EML4: variants seen among roughly 807,000 people sequenced by gnomAD.
The protein encoded by EML4 is echinoderm microtubule-associated protein-like 4.
Under a neutral mutation model 129.0 loss-of-function variants are expected in EML4, and 72 were observed. That is an observed-to-expected ratio of 0.56 (90% confidence interval 0.46 to 0.68). EML4 has a LOEUF of 0.68. Among genes scored for constraint, EML4 ranks in the 30% least tolerant of loss-of-function variants. EML4 has a pLI of 0.00. For synonymous variants in EML4, 532 were observed against 405.0 expected (o/e 1.31, Z -3.77); for missense variants, 1,363 against 1,190.6 (o/e 1.14, Z -2.13).
At position 42,268,111 on chromosome 2, in the gene EML4, A is replaced by G. The variant is rs75961647; in HGVS notation, c.667+3380A>G. On this transcript the variant is annotated intron_variant, in intron 6 of 22. Coordinates refer to ENST00000318522, the MANE Select transcript of EML4 (RefSeq NM_019063.5). ...TAAGGTCATCCTTGAAATAGTTATC[A>G]AGTACAACTGGCCTTCCATATCTGC... Among the ~76,000 whole-genome samples, 364 of 152,346 alleles carry G rather than the reference A, an allele frequency of 2.4e-3. 10 individuals carry two copies. The East Asian group carries it at 0.059, about 25-fold the overall frequency.
intron 1 of EML4, among the ~76,000 whole-genome samples, chr2:42,242,353 G>A (rs544527099): frequency 6.6e-6 from 1 of 152,196 alleles, no homozygotes; most frequent in South Asian, 2.1e-4. Flanking sequence ...TACAAATAAT[G>A]GCTTGCAAAA....
At chr2:42,258,686 C>G (rs1460588036) in intron 3 of EML4, among the ~76,000 whole-genome samples, 1 of 152,006 alleles carries the variant, frequency 6.6e-6, no homozygotes. Context: ...AGGTGTGAGC[C>G]ACTGTGACTG....
chr2:42,288,878 A>T (rs1558578233), intron 11 of EML4: 1 of 152,178 alleles, frequency 6.6e-6, no homozygotes. Context: ...TGTAAAATGC[A>T]TTGAAGCTGG....
chr2:42,232,734 G>GT (rs1266715667), intron 1 of EML4, among the ~76,000 whole-genome samples: 3 of 151,748 alleles, frequency 2.0e-5, no homozygotes, highest in East Asian at 1.9e-4. Context: ...TTTTGTTTTT[G>GT]TTTTTTTGAG....
chr2:42,181,627 C>T (rs1670951051), intron 1 of EML4, among the ~76,000 whole-genome samples: 1 of 152,052 alleles, frequency 6.6e-6, no homozygotes, highest in Admixed American at 6.6e-5. Context: ...GGTTATAGTC[C>T]ATTACTATTT....
chr2:42,298,063 A>C (rs1443350902), intron 13 of EML4, among the ~76,000 whole-genome samples: 1 of 152,224 alleles, frequency 6.6e-6, no homozygotes, highest in Non-Finnish European at 1.5e-5. Flanking sequence ...GTAATCTTTT[A>C]AGTGGGTAAG....
At chr2:42,214,014 T>C (rs532745004) in intron 1 of EML4, among the ~76,000 whole-genome samples, 1 of 152,348 alleles carries the variant, frequency 6.6e-6, no homozygotes, top group Non-Finnish European at 1.5e-5. Context: ...GTATATCAAA[T>C]ATTATGGTAA....
intron 19 of EML4, among the ~76,000 whole-genome samples, chr2:42,319,338 T>C (rs1442417177): frequency 4.6e-5 from 7 of 152,218 alleles, no homozygotes; most frequent in East Asian, 1.9e-4. Context: ...CTTGGAAGTA[T>C]TGAGAAATGG....
chr2:42,306,532 A>C (rs1311839428), intron 17 of EML4, among the ~76,000 whole-genome samples: 2 of 105,198 alleles, frequency 1.9e-5, no homozygotes, highest in East Asian at 8.1e-4. Context: ...TCGCTCTGTC[A>C]CCCAAGCTGG....
At chr2:42,325,009 T>C (rs1172861269) in intron 19 of EML4, among the ~76,000 whole-genome samples, 2 of 152,216 alleles carry the variant, frequency 1.3e-5, no homozygotes, top group Admixed American at 6.5e-5. Context: ...ATACGGGTGC[T>C]GTATTCCTCA....
chr2:42,304,561 T>C lies in EML4; in HGVS notation c.1967+10T>C, dbSNP rs1207454552. The C allele has an allele frequency of 1.2e-6, 2 of 1,606,684 alleles. No individual in the cohort carries two copies. The highest frequency in any genetic ancestry group is 3.3e-5 in the Admixed American group (2 of 59,998). On this transcript the variant is annotated intron_variant, in intron 17 of 22. Transcript: ENST00000318522. ...GAACGCACTCAGGCAGGTAGGGTCT[T>C]TAAGTGAACTGAGTAATCTGAAGTG...
chr2:42,195,128 C>T (rs1671826005), intron 1 of EML4, among the ~76,000 whole-genome samples: 1 of 152,012 alleles, frequency 6.6e-6, no homozygotes, highest in African/African-American at 2.4e-5. Context: ...CTTCGGGATC[C>T]AGTTAACTTG....
intron 1 of EML4, among the ~76,000 whole-genome samples, chr2:42,216,609 T>G (rs1014923400): frequency 6.6e-6 from 1 of 152,198 alleles, no homozygotes; most frequent in African/African-American, 2.4e-5. Context: ...CTCATTAATA[T>G]GTTACCTGTT....
chr2:42,214,955 C>G (rs1232431345), intron 1 of EML4, among the ~76,000 whole-genome samples: 2 of 152,158 alleles, frequency 1.3e-5, no homozygotes, highest in East Asian at 1.9e-4. Flanking sequence ...AGCCTAGATT[C>G]AAAGGAGAGA....
In EML4 at chr2:42,331,359, T is replaced by C. The variant is rs187476121; in HGVS notation, c.*1152T>C. The C allele has an allele frequency of 1.5e-3, 337 of 225,136 alleles. 3 individuals carry two copies. Among genetic ancestry groups the C allele is most frequent in the East Asian group, 0.015 (230 of 15,424 alleles). 13.9% of individuals were successfully genotyped at this position (225,136 alleles called of 1,614,324 possible). On this transcript the variant is annotated 3_prime_UTR_variant, in exon 23 of 23. Transcript: ENST00000318522. The stretch of plus-strand genomic sequence containing the variant: ...TGCTGTAAGTCTTGTAAGTCTAATG[T>C]GGCTATCCTACTCTTTTGGGCAATG...
intron 1 of EML4, among the ~76,000 whole-genome samples, chr2:42,227,410 A>C (rs925577854): frequency 2.0e-5 from 3 of 151,512 alleles, no homozygotes; most frequent in East Asian, 1.9e-4. Context: ...CCCAGCCTCC[A>C]TTCTTATTTT....
chr2:42,251,412 C>T (rs1488638186), intron 2 of EML4, among the ~76,000 whole-genome samples: 1 of 152,154 alleles, frequency 6.6e-6, no homozygotes, highest in African/African-American at 2.4e-5. Flanking sequence ...TTACAGAGTG[C>T]CATTTCTATA....
chr2:42,184,374 TCCCTCCC>T (rs1265948504), intron 1 of EML4, among the ~76,000 whole-genome samples: 1 of 118,512 alleles, frequency 8.4e-6, no homozygotes, highest in Non-Finnish European at 1.7e-5. Flanking sequence ...CCTAATGCTA[TCCCTCCC>T]CCCTCCCCCC....
chr2:42,317,999 C>T (rs1316203605), intron 19 of EML4, among the ~76,000 whole-genome samples: 1 of 152,218 alleles, frequency 6.6e-6, no homozygotes, highest in African/African-American at 2.4e-5. Flanking sequence ...TTATTGCCTA[C>T]TTCTGCCTTA....
Sources: allele counts gnomAD v4.1 joint callset (sites outside exome capture counted in the v4.1 genomes callset), GRCh38; gene constraint gnomAD v4.1.1; transcripts MANE v1.5; gene names NCBI Gene and HGNC (gene_info 2026-07-23, HGNC 2026-07-21).